ACAN: variants seen among roughly 807,000 people sequenced by gnomAD.
ACAN encodes aggrecan core protein.
In ACAN, 47 loss-of-function variants were observed where a neutral mutation model predicts 169.1. That is an observed-to-expected ratio of 0.28 (90% CI 0.22 to 0.35). The LOEUF (loss-of-function observed/expected upper bound fraction) is 0.35. ACAN is among the 10% of genes least tolerant of loss of function. The pLI is 1.00. For synonymous variants in ACAN, 1,115 were observed against 1,112.2 expected (o/e 1.00, Z -0.05); for missense variants, 2,716 against 2,759.9 (o/e 0.98, Z 0.36).
At chr15:88,867,584 C>T (rs1471753144) in intron 13 of ACAN, among the ~76,000 whole-genome samples, 1 of 152,158 alleles carries the variant, frequency 6.6e-6, no homozygotes, top group Non-Finnish European at 1.5e-5. Flanking sequence ...ATAAGAGATT[C>T]TAAAATAATA....
chr15:88,805,073 A>C (rs1443532216), intron 1 of ACAN, among the ~76,000 whole-genome samples: 1 of 152,214 alleles, frequency 6.6e-6, no homozygotes, highest in Non-Finnish European at 1.5e-5. Flanking sequence ...ACTAGAATCC[A>C]GGTTTTCTGA....
At position 88,840,180 on chromosome 15, in the gene ACAN, C is replaced by T. The variant is rs1319651016; in HGVS notation, c.623C>T (p.Thr208Ile). The T allele has an allele frequency of 1.3e-6, 2 of 1,596,140 alleles. No homozygotes were observed. Among genetic ancestry groups the T allele is most frequent in the Non-Finnish European group, 1.7e-6 (2 of 1,173,254 alleles). Reference sequence around the variant, plus strand: ...GACGCCGGCTGGCTGGCTGACCAGACTGTCAGGTGAGCCCTAGCCCATCAG... The same window carrying T: ...GACGCCGGCTGGCTGGCTGACCAGATTGTCAGGTGAGCCCTAGCCCATCAG... ...QCDAGWLADQ[T>I]VRYPIHTPRE... Residue 208 changes from threonine to isoleucine, a missense_variant, in exon 4 of 19, where the codon ACT (threonine) becomes ATT (isoleucine). By Grantham distance (89) the Thr-to-Ile change is moderately conservative (BLOSUM62 -1). Transcript: ENST00000560601.
Position 88,859,428 on chromosome 15 carries a change from T to C in ACAN, c.6832+11T>C. On this transcript the variant is annotated intron_variant, in intron 12 of 18. Coordinates refer to ENST00000560601, the MANE Select transcript of ACAN (RefSeq NM_001369268.1). The stretch of plus-strand genomic sequence containing the variant: ...AATCAACTGCTGCAGGTATTGTGAT[T>C]TTTTCCCCCTTTAAATGTGCTTAGG... 6.4e-7 allele frequency: 1 copy of C among 1,552,198 alleles called. No individual in the cohort carries two copies. The highest frequency in any genetic ancestry group is 1.2e-5 in the South Asian group (1 of 84,118).
In ACAN at chr15:88,871,860, A is replaced by G. The variant is rs1379052332; in HGVS notation, c.7220-143A>G. The G allele has an allele frequency of 5.1e-6, 4 of 777,406 alleles. No individual in the cohort carries two copies. Among genetic ancestry groups the G allele is most frequent in the Admixed American group, 2.1e-5 (1 of 47,448 alleles). 48.2% of individuals were successfully genotyped at this position (777,406 alleles called of 1,614,324 possible). A position where few individuals can be genotyped will look rare whatever the true frequency, so the allele number is the denominator to read the frequency against. On this transcript the variant is annotated intron_variant, in intron 15 of 18. Transcript: ENST00000560601. This position sits in a 1 kb window ranked among gnomAD's most constrained non-coding sequence, Gnocchi z 7.8. Reference sequence around the variant, plus strand: ...GCATGCACGTGCTGAGCCTCTTGTGAGGACCTGAGAAGCACGTGCCTTGCT... The same window carrying G: ...GCATGCACGTGCTGAGCCTCTTGTGGGGACCTGAGAAGCACGTGCCTTGCT...
Position 88,872,846 on chromosome 15 carries a change from C to A in ACAN, c.7303-35C>A. 6.2e-7 allele frequency: 1 copy of A among 1,611,232 alleles called. No homozygotes were observed. Among genetic ancestry groups the A allele is most frequent in the Non-Finnish European group, 8.5e-7 (1 of 1,179,212 alleles). On this transcript the variant is annotated intron_variant, in intron 16 of 18. Coordinates refer to ENST00000560601, the MANE Select transcript of ACAN (RefSeq NM_001369268.1). This position sits in a 1 kb window ranked among gnomAD's most constrained non-coding sequence, Gnocchi z 5.4. Reference sequence around the variant, plus strand: ...GAGCAGGCCAACCCGCACTGTCCTGCCCTCTCCTTACTCCTTCCCCACTCC... The same window carrying A: ...GAGCAGGCCAACCCGCACTGTCCTGACCTCTCCTTACTCCTTCCCCACTCC...
intron 1 of ACAN, among the ~76,000 whole-genome samples, chr15:88,812,770 G>A (rs1895852366): frequency 6.6e-6 from 1 of 152,030 alleles, no homozygotes; most frequent in Admixed American, 6.5e-5. Context: ...AGAAATTCTG[G>A]CTGGTCAGTT....
rs1374738298 is a variant in ACAN, at chr15:88,868,295, C to A, written c.7026C>A (p.Cys2342Ter). ...VDAIDSFTCL[C>*]LPSYEGDLCE... Reference sequence around the variant, plus strand: ...CCATCGACTCTTTCACATGCTTATGCCTTCCCAGCTACGAAGGGGACCTGT... The same window carrying A: ...CCATCGACTCTTTCACATGCTTATGACTTCCCAGCTACGAAGGGGACCTGT... The change falls in exon 14 of 19, where the codon TGC becomes TGA. Residue 2342 changes from cysteine (C) to a stop codon, truncating the protein, a stop_gained. Coordinates refer to ENST00000560601, the MANE Select transcript of ACAN (RefSeq NM_001369268.1). LOFTEE classifies it high-confidence loss of function. This position sits in a 1 kb window ranked among gnomAD's most constrained non-coding sequence, Gnocchi z 5.2. The A allele has an allele frequency of 1.0e-5, 7 of 702,820 alleles. No homozygotes were observed. Among genetic ancestry groups the A allele is most frequent in the Non-Finnish European group, 1.8e-5 (7 of 384,846 alleles). The allele number at this position is 702,820 out of a possible 1,614,324, so 43.5% of individuals were successfully genotyped here. A position where few individuals can be genotyped will look rare whatever the true frequency, so the allele number is the denominator to read the frequency against.
chr15:88,816,254 G>A (rs188894468), intron 1 of ACAN, among the ~76,000 whole-genome samples: 2 of 152,152 alleles, frequency 1.3e-5, no homozygotes, highest in African/African-American at 4.8e-5. Flanking sequence ...TAGACATAAG[G>A]TATCTTTTTT....
intron 13 of ACAN, among the ~76,000 whole-genome samples, chr15:88,867,846 G>C (rs1185035710): frequency 6.6e-6 from 1 of 152,214 alleles, no homozygotes; most frequent in African/African-American, 2.4e-5. Flanking sequence ...AACCACTTCA[G>C]AATCCATGGT....
At chr15:88,837,290 C>A (rs990600092) in intron 2 of ACAN, among the ~76,000 whole-genome samples, 3 of 152,186 alleles carry the variant, frequency 2.0e-5, no homozygotes, top group Non-Finnish European at 4.4e-5. Context: ...GCTCCCCATG[C>A]TCCCACCCAG....
In ACAN at chr15:88,857,318, C is replaced by G; in HGVS notation, c.4733C>G (p.Thr1578Ser). 1 of 1,613,946 alleles carries G rather than the reference C, an allele frequency of 6.2e-7. No homozygotes were observed. The highest frequency in any genetic ancestry group is 1.1e-5 in the South Asian group (1 of 91,082). ...CCTTCTGGAAGGGAGGGTCTAGAGA[C>G]TTCAGCTTCTGGAGCTGAGGACCTC... ...GLPSGREGLE[T>S]SASGAEDLSG... Residue 1578 changes from threonine to serine, a missense_variant, in exon 12 of 19, where the codon ACT (threonine) becomes AGT (serine). This residue lies in a region of ACAN where 1,389 missense variants were observed against 1,363.7 expected (regional missense o/e 1.02). Coordinates refer to ENST00000560601, the MANE Select transcript of ACAN (RefSeq NM_001369268.1).
chr15:88,836,997 C>G (rs769657604), intron 2 of ACAN, among the ~76,000 whole-genome samples: 7 of 152,244 alleles, frequency 4.6e-5, no homozygotes, highest in Non-Finnish European at 1.0e-4. Context: ...GCCAATGTGT[C>G]TGCCCAAATC....
intron 1 of ACAN, among the ~76,000 whole-genome samples, chr15:88,825,812 C>T (rs1327744578): frequency 1.3e-5 from 2 of 152,224 alleles, no homozygotes; most frequent in Non-Finnish European, 1.5e-5. Flanking sequence ...GTGCCCACCC[C>T]CACCTCCAGA....
intron 1 of ACAN, among the ~76,000 whole-genome samples, chr15:88,824,804 G>T (rs1051058378): frequency 6.6e-6 from 1 of 152,022 alleles, no homozygotes; most frequent in African/African-American, 2.4e-5. Flanking sequence ...GCTTGAGCCC[G>T]GGAGGTGGAG....
Position 88,839,934 on chromosome 15 carries a change from T to C in ACAN, c.455-78T>C, listed in dbSNP as rs1459459997. 25 of 1,516,352 alleles carry C rather than the reference T, an allele frequency of 1.6e-5. No individual in the cohort carries two copies. The highest frequency in any genetic ancestry group is 2.2e-5 in the Non-Finnish European group (25 of 1,120,490). The allele number at this position is 1,516,352 out of a possible 1,614,324, so 93.9% of individuals were successfully genotyped here. A position where few individuals can be genotyped will look rare whatever the true frequency, so the allele number is the denominator to read the frequency against. Reference sequence around the variant, plus strand: ...CCTAAGGTCCCTTTGACTATTGCCATAATTCTGCGAGGGCCTCGGTGATCA... The same window carrying C: ...CCTAAGGTCCCTTTGACTATTGCCACAATTCTGCGAGGGCCTCGGTGATCA... On this transcript the variant is annotated intron_variant, in intron 3 of 18. Transcript: ENST00000560601. The surrounding 1 kb of genome is among the most constrained non-coding windows in gnomAD (Gnocchi z 4.5).
intron 1 of ACAN, among the ~76,000 whole-genome samples, chr15:88,832,132 G>T (rs1567171843): frequency 6.6e-6 from 1 of 152,084 alleles, no homozygotes. Flanking sequence ...AGACCACCTG[G>T]CTGAGCTGTA....
Position 88,860,413 on chromosome 15 carries a change from G to A in ACAN, c.6920G>A (p.Gly2307Asp). 4 of 1,613,618 alleles carry A rather than the reference G, an allele frequency of 2.5e-6. No individual in the cohort carries two copies. Among genetic ancestry groups the A allele is most frequent in the Non-Finnish European group, 3.4e-6 (4 of 1,179,786 alleles). The change falls in exon 13 of 19, where the codon GGC becomes GAC. Residue 2307 changes from glycine to aspartate, a missense_variant. Around this residue, in one of 3 missense-constraint regions of ACAN, gnomAD observed 1,389 missense variants for 1,363.7 expected, o/e 1.02. Coordinates refer to ENST00000560601, the MANE Select transcript of ACAN (RefSeq NM_001369268.1). ...EGHVICLCPPGYTGEHCNIDI... is the reference protein window; with the variant it reads ...EGHVICLCPPDYTGEHCNIDI... ...CACGTCATATGCCTGTGCCCCCCTG[G>A]CTACACTGGCGAGCACTGTAACATA... is the stretch of plus-strand genomic sequence containing the variant.
Position 88,815,737 on chromosome 15 carries a change from C to G in ACAN, c.-8+11928C>G, listed in dbSNP as rs1472980688. On this transcript the variant is annotated intron_variant, in intron 1 of 18. Coordinates refer to ENST00000560601, the MANE Select transcript of ACAN (RefSeq NM_001369268.1). ...AGTTTTCCTGAGAAATCTAAGCGAC[C>G]CTGAGGTTGACTACCAAGTAAGATT... is the stretch of plus-strand genomic sequence containing the variant. Among the ~76,000 whole-genome samples the G allele has an allele frequency of 4.0e-5, 6 of 150,586 alleles. No individual in the cohort carries two copies. In the South Asian group the frequency reaches 8.5e-4, roughly 21 times the overall value.
At chr15:88,836,352 G>T in intron 2 of ACAN, 76 bp downstream of exon 2, 4 of 1,250,982 alleles carry the variant, frequency 3.2e-6, no homozygotes, top group Non-Finnish European at 4.6e-6. Context: ...TACTGAACCT[G>T]GTGCTACTGG....
Sources: gnomAD v4.1 joint callset for allele counts (sites outside exome capture counted in the v4.1 genomes callset) on GRCh38, gnomAD v4.1.1 for gene constraint, gnomAD v4.1.1 regional missense constraint, Gnocchi (gnomAD v3.1) non-coding constraint, MANE v1.5 for transcripts, NCBI Gene and HGNC (gene_info 2026-07-23, HGNC 2026-07-21) for gene names.